The following DCPS variants were observed in gnomAD, a reference collection of about 807,000 sequenced individuals.
DCPS encodes m7GpppX diphosphatase.
Under a neutral mutation model 34.7 loss-of-function variants are expected in DCPS, and 27 were observed. The observed-to-expected ratio is 0.78, with a 90% CI of 0.57 to 1.07. DCPS has a LOEUF of 1.07. Ranked by LOEUF, DCPS falls within the 50% of genes least tolerant of loss-of-function variation. The pLI is 0.00. For synonymous variants in DCPS, 185 were observed against 185.7 expected (o/e 1.00, Z 0.03); for missense variants, 464 against 436.9 (o/e 1.06, Z -0.55).
chr11:126,316,906 T>C (rs1297882884), intron 2 of DCPS, among the ~76,000 whole-genome samples: 3 of 149,572 alleles, frequency 2.0e-5, no homozygotes, highest in African/African-American at 4.9e-5. Flanking sequence ...TCTGCCCACC[T>C]CAGCCTGCCA....
rs1192237864 is a variant in DCPS at position 126,331,032 on chromosome 11, G to A, written c.377-373G>A. 4.6e-5 allele frequency among the ~76,000 whole-genome samples: 7 copies of A among 152,102 alleles called. No homozygotes were observed. In the East Asian group the frequency reaches 1.4e-3, roughly 29 times the overall value. Reference sequence around the variant, plus strand: ...ATTACAGGCGTCAGCCACTGCGCCCGGCCTTTAAGCCATATTTTCAGCTTT... The same window carrying A: ...ATTACAGGCGTCAGCCACTGCGCCCAGCCTTTAAGCCATATTTTCAGCTTT... On this transcript the variant is annotated intron_variant, in intron 2 of 5. Transcript: ENST00000263579. The surrounding 1 kb of genome is among the most constrained non-coding windows in gnomAD (Gnocchi z 7.2).
At chr11:126,308,740 C>A (rs886777386) in intron 2 of DCPS, among the ~76,000 whole-genome samples, 182 of 151,712 alleles carry the variant, frequency 1.2e-3, no homozygotes, top group Non-Finnish European at 2.1e-3. Context: ...CCTCCCCACC[C>A]TTGGCCAAAA....
At chr11:126,318,121 C>G (rs998952116) in intron 2 of DCPS, among the ~76,000 whole-genome samples, 3 of 152,170 alleles carry the variant, frequency 2.0e-5, no homozygotes, top group African/African-American at 7.2e-5. Flanking sequence ...GTACAAGAAG[C>G]CTGTCAGATC....
rs190123285 is a variant in DCPS at position 126,331,227 on chromosome 11, C to T, written c.377-178C>T. Among the ~76,000 whole-genome samples the T allele has an allele frequency of 1.4e-3, 212 of 152,192 alleles. No homozygotes were observed. Among genetic ancestry groups the T allele is most frequent in the Middle Eastern group, 0.01 (3 of 294 alleles). On this transcript the variant is annotated intron_variant, in intron 2 of 5. Coordinates refer to ENST00000263579, the MANE Select transcript of DCPS (RefSeq NM_014026.6). This position sits in a 1 kb window ranked among gnomAD's most constrained non-coding sequence, Gnocchi z 7.2. ...TCCAGATTCTGAGTGTGGCTCAGCT[C>T]GTGAATGCAGTGGCACAAGGCACTC...
rs1162740102 is a variant in DCPS at position 126,334,188 on chromosome 11, G to T, written c.522+2638G>T. ...AGGTTGGGTGATGAGTGGATAGAAGGATAATTCATGACCCAGTATAGGGGA... is the reference window on the plus strand; with the variant it reads ...AGGTTGGGTGATGAGTGGATAGAAGTATAATTCATGACCCAGTATAGGGGA... On this transcript the variant is annotated intron_variant, in intron 3 of 5. Coordinates refer to ENST00000263579, the MANE Select transcript of DCPS (RefSeq NM_014026.6). The surrounding 1 kb of genome is among the most constrained non-coding windows in gnomAD (Gnocchi z 5.5). Among the ~76,000 whole-genome samples the T allele has an allele frequency of 2.0e-5, 3 of 152,120 alleles. No homozygotes were observed. The highest frequency in any genetic ancestry group is 7.2e-5 in the African/African-American group (3 of 41,408).
intron 2 of DCPS, among the ~76,000 whole-genome samples, chr11:126,317,848 C>CATT (rs1591383694): frequency 1.3e-5 from 2 of 152,212 alleles, no homozygotes; most frequent in Non-Finnish European, 2.9e-5. Flanking sequence ...ACACATTGCA[C>CATT]ATTAGCTCTT....
chr11:126,328,831 G>C lies in DCPS; in HGVS notation c.377-2574G>C, dbSNP rs915090532. On this transcript the variant is annotated intron_variant, in intron 2 of 5. Coordinates refer to ENST00000263579, the MANE Select transcript of DCPS (RefSeq NM_014026.6). This position sits in a 1 kb window ranked among gnomAD's most constrained non-coding sequence, Gnocchi z 6.6. The stretch of plus-strand genomic sequence containing the variant: ...GGGGGAGCGCTTTTCTCCATGTGAG[G>C]CACTTCCTGAATCTTTCCTTCTACT... 6.6e-6 allele frequency among the ~76,000 whole-genome samples: 1 copy of C among 152,184 alleles called. No homozygotes were observed. Among genetic ancestry groups the C allele is most frequent in the African/African-American group, 2.4e-5 (1 of 41,450 alleles).
At position 126,331,839 on chromosome 11, in the gene DCPS, G is replaced by A. The variant is rs149669550; in HGVS notation, c.522+289G>A. Among the ~76,000 whole-genome samples, 2 of 152,162 alleles carry A rather than the reference G, an allele frequency of 1.3e-5. No homozygotes were observed. The highest frequency in any genetic ancestry group is 4.8e-5 in the African/African-American group (2 of 41,434). ...TAAGTGGGACCAGAAGGCCTGGGGC[G>A]GGCAATTGCCATTTTATATCGCATG... is the stretch of plus-strand genomic sequence containing the variant. On this transcript the variant is annotated intron_variant, in intron 3 of 5. Transcript: ENST00000263579. This position sits in a 1 kb window ranked among gnomAD's most constrained non-coding sequence, Gnocchi z 7.2.
chr11:126,339,204 C>T (rs1226699549), intron 4 of DCPS, among the ~76,000 whole-genome samples: 2 of 152,154 alleles, frequency 1.3e-5, no homozygotes, highest in African/African-American at 4.8e-5. Flanking sequence ...TGGATAAGGC[C>T]GAGGTAGGCA....
At chr11:126,343,747 C>A (rs936276186) in intron 5 of DCPS, among the ~76,000 whole-genome samples, 1 of 152,192 alleles carries the variant, frequency 6.6e-6, no homozygotes, top group Non-Finnish European at 1.5e-5. Flanking sequence ...ACCATGACAA[C>A]CACATCATGC....
chr11:126,317,511 C>G (rs1211796756), intron 2 of DCPS, among the ~76,000 whole-genome samples: 1 of 151,710 alleles, frequency 6.6e-6, no homozygotes, highest in Non-Finnish European at 1.5e-5. Flanking sequence ...CCTCTGGGAT[C>G]TGGTTGTTTA....
Position 126,304,224 on chromosome 11 carries a change from A to G in DCPS, c.144A>G (p.Arg48=), listed in dbSNP as rs752877640. 11 of 1,614,232 alleles carry G rather than the reference A, an allele frequency of 6.8e-6. 1 individual carries two copies. The East Asian group carries it at 2.5e-4, about 36-fold the overall frequency. Residue 48 remains arginine (R), a synonymous_variant, in exon 1 of 6, where the codon AGA becomes AGG. Transcript: ENST00000263579. Reference sequence around the variant, plus strand: ...TCCGCTTACCGTTCTCCGGCTTCAGACTGCAGAAGGTGCTGAGGGAGTCTG... The same window carrying G: ...TCCGCTTACCGTTCTCCGGCTTCAGGCTGCAGAAGGTGCTGAGGGAGTCTG... ...APVRLPFSGF[R]LQKVLRESAR... is the part of the protein sequence containing the mutation.
At position 126,337,698 on chromosome 11, in the gene DCPS, C is replaced by T. The variant is rs965033415; in HGVS notation, c.523-588C>T. The stretch of plus-strand genomic sequence containing the variant: ...ACTGCTGATAAACCGGCATCTGCAG[C>T]GGCTCCAGGCGGGCAGAGGTGCTGA... On this transcript the variant is annotated intron_variant, in intron 3 of 5. Transcript: ENST00000263579. This position sits in a 1 kb window ranked among gnomAD's most constrained non-coding sequence, Gnocchi z 5.3. 9 of 153,332 alleles carry T rather than the reference C, an allele frequency of 5.9e-5. No individual in the cohort carries two copies. The East Asian group carries it at 9.6e-4, about 16-fold the overall frequency. The allele number at this position is 153,332 out of a possible 1,614,324, so 9.5% of individuals were successfully genotyped here. A position where few individuals can be genotyped will look rare whatever the true frequency, so the allele number is the denominator to read the frequency against.
intron 2 of DCPS, among the ~76,000 whole-genome samples, chr11:126,311,049 GTC>G (rs1453374432): frequency 6.6e-6 from 1 of 152,134 alleles, no homozygotes; most frequent in Non-Finnish European, 1.5e-5. Flanking sequence ...AGGTTTTGCA[GTC>G]TCCTCATTCG....
At position 126,314,860 on chromosome 11, in the gene DCPS, G is replaced by A. The variant is rs141642683; in HGVS notation, c.376+8116G>A. Among the ~76,000 whole-genome samples, 104 of 152,170 alleles carry A rather than the reference G, an allele frequency of 6.8e-4. No individual in the cohort carries two copies. The East Asian group carries it at 0.016, about 23-fold the overall frequency. On this transcript the variant is annotated intron_variant, in intron 2 of 5. Coordinates refer to ENST00000263579, the MANE Select transcript of DCPS (RefSeq NM_014026.6). ...GGGTGGGGAGTGGTGAGGGATAAAA[G>A]GTTATACATTAGGTACAATGTACAC...
intron 2 of DCPS, among the ~76,000 whole-genome samples, chr11:126,310,225 G>A (rs550572979): frequency 3.3e-5 from 5 of 152,112 alleles, no homozygotes; most frequent in Admixed American, 1.3e-4. Flanking sequence ...TGCCGGCGAC[G>A]CCCACCTTTA....
At chr11:126,309,355 C>T (rs1212087007) in intron 2 of DCPS, among the ~76,000 whole-genome samples, 1 of 152,156 alleles carries the variant, frequency 6.6e-6, no homozygotes, top group Non-Finnish European at 1.5e-5. Context: ...TCAGTATCCA[C>T]TGGGGATTGG....
chr11:126,338,421 G>A lies in DCPS; in HGVS notation c.636+22G>A, dbSNP rs1366099730. On this transcript the variant is annotated intron_variant, in intron 4 of 5. Coordinates refer to ENST00000263579, the MANE Select transcript of DCPS (RefSeq NM_014026.6). The surrounding 1 kb of genome is among the most constrained non-coding windows in gnomAD (Gnocchi z 5.4). ...GCAGGTAAAGGTTTCTGGCTGGAAT[G>A]TCCTGATCTCTGGCCACCCTGCTGT... 10 of 1,607,038 alleles carry A rather than the reference G, an allele frequency of 6.2e-6. No homozygotes were observed. The highest frequency in any genetic ancestry group is 7.7e-6 in the Non-Finnish European group (9 of 1,173,606).
rs1951807750 is a variant in DCPS at position 126,333,533 on chromosome 11, C to G, written c.522+1983C>G. On this transcript the variant is annotated intron_variant, in intron 3 of 5. Coordinates refer to ENST00000263579, the MANE Select transcript of DCPS (RefSeq NM_014026.6). The surrounding 1 kb of genome is among the most constrained non-coding windows in gnomAD (Gnocchi z 5.7). ...GGACTTCACAGGGAGAGGATCCTCC[C>G]CTTGGGTCTTACAGGACAAATAGAA... Among the ~76,000 whole-genome samples, 1 of 152,204 alleles carries G rather than the reference C, an allele frequency of 6.6e-6. No homozygotes were observed. Among genetic ancestry groups the G allele is most frequent in the Admixed American group, 6.5e-5 (1 of 15,278 alleles).
Sources: allele counts gnomAD v4.1 joint callset (sites outside exome capture counted in the v4.1 genomes callset), GRCh38; gene constraint gnomAD v4.1.1; non-coding constraint Gnocchi (gnomAD v3.1); transcripts MANE v1.5; gene names NCBI Gene and HGNC (gene_info 2026-07-23, HGNC 2026-07-21).